ATXN10: variants seen among roughly 807,000 people sequenced by gnomAD.
ATXN10 encodes ataxin 10, also known as ataxin-10.
Under a neutral mutation model 52.9 loss-of-function variants are expected in ATXN10, and 28 were observed. That is an observed-to-expected ratio of 0.53 (90% CI 0.39 to 0.73). The LOEUF (loss-of-function observed/expected upper bound fraction) is 0.73. Ranked by LOEUF, ATXN10 falls within the 30% of genes least tolerant of loss-of-function variation. The probability of loss-of-function intolerance (pLI) is 0.00; values close to 1 mark genes in which losing one functional copy is unlikely to be tolerated. For synonymous variants in ATXN10, 226 were observed against 221.5 expected (o/e 1.02, Z -0.18); for missense variants, 565 against 577.0 (o/e 0.98, Z 0.21).
At position 45,816,693 on chromosome 22, in the gene ATXN10, G is replaced by A. The variant is rs934846691; in HGVS notation, c.1237+9671G>A. 6.6e-6 allele frequency among the ~76,000 whole-genome samples: 1 copy of A among 152,122 alleles called. No individual in the cohort carries two copies. Among genetic ancestry groups the A allele is most frequent in the Non-Finnish European group, 1.5e-5 (1 of 68,034 alleles). The stretch of plus-strand genomic sequence containing the variant: ...TATAGTATCTTAATAGGTAATATAC[G>A]GGAGAAGCCTTCTTTTAATAAAATG... On this transcript the variant is annotated intron_variant, in intron 10 of 11. Transcript: ENST00000252934. This position sits in a 1 kb window ranked among gnomAD's most constrained non-coding sequence, Gnocchi z 5.8.
chr22:45,674,842 T>C (rs1922619429), intron 1 of ATXN10: 1 of 152,230 alleles, frequency 6.6e-6, no homozygotes, highest in African/African-American at 2.4e-5. Context: ...AGACATAATG[T>C]AGTTGGTGGT....
intron 5 of ATXN10, among the ~76,000 whole-genome samples, chr22:45,707,260 C>T (rs1450073260): frequency 6.6e-6 from 1 of 152,174 alleles, no homozygotes; most frequent in African/African-American, 2.4e-5. Context: ...CTTGCATTCA[C>T]AGGTGAGGTA....
At position 45,748,221 on chromosome 22, in the gene ATXN10, A is replaced by G. The variant is rs201597952; in HGVS notation, c.1173+7683A>G. 3.2e-4 allele frequency among the ~76,000 whole-genome samples: 48 copies of G among 151,930 alleles called. 1 individual carries two copies. In the East Asian group the frequency reaches 7.9e-3, roughly 25 times the overall value. ...ATATAATGGATTGCCTTATGTCTCTAACTATAATACTTCCGTGTCCCTCCT... is the reference window on the plus strand; with the variant it reads ...ATATAATGGATTGCCTTATGTCTCTGACTATAATACTTCCGTGTCCCTCCT... On this transcript the variant is annotated intron_variant, in intron 9 of 11. Coordinates refer to ENST00000252934, the MANE Select transcript of ATXN10 (RefSeq NM_013236.4).
At chr22:45,764,021 C>T (rs1188781885) in intron 9 of ATXN10, among the ~76,000 whole-genome samples, 3 of 152,166 alleles carry the variant, frequency 2.0e-5, no homozygotes, top group Admixed American at 6.5e-5. Context: ...AGTTTCTCCC[C>T]GGCCTCTCCG....
chr22:45,756,493 G>A (rs569295242), intron 9 of ATXN10, among the ~76,000 whole-genome samples: 1 of 152,096 alleles, frequency 6.6e-6, no homozygotes, highest in Non-Finnish European at 1.5e-5. Flanking sequence ...TTGAAAGACT[G>A]ACATTTCCAA....
At position 45,819,632 on chromosome 22, in the gene ATXN10, G is replaced by A. The variant is rs1164419130; in HGVS notation, c.1237+12610G>A. Among the ~76,000 whole-genome samples, 2 of 152,220 alleles carry A rather than the reference G, an allele frequency of 1.3e-5. No individual in the cohort carries two copies. Among genetic ancestry groups the A allele is most frequent in the African/African-American group, 2.4e-5 (1 of 41,452 alleles). On this transcript the variant is annotated intron_variant, in intron 10 of 11. Transcript: ENST00000252934. This position sits in a 1 kb window ranked among gnomAD's most constrained non-coding sequence, Gnocchi z 4.5. The stretch of plus-strand genomic sequence containing the variant: ...TCAGGAAAGCTGCTGGATTGAGACT[G>A]GAGGGAAGTGTGACTGCCTGTGCAT...
At chr22:45,739,297 A>G (rs1925419579) in intron 8 of ATXN10, among the ~76,000 whole-genome samples, 1 of 152,364 alleles carries the variant, frequency 6.6e-6, no homozygotes. Flanking sequence ...GTTTTAAACA[A>G]GAAACCATTG....
In ATXN10 at chr22:45,757,598, T is replaced by C. The variant is rs1196887588; in HGVS notation, c.1173+17060T>C. ...GTTCTTAATCTTGAAAAATCATTTCTAGCCATTTTAGAAAAAAAAAAACAT... is the reference window on the plus strand; with the variant it reads ...GTTCTTAATCTTGAAAAATCATTTCCAGCCATTTTAGAAAAAAAAAAACAT... On this transcript the variant is annotated intron_variant, in intron 9 of 11. Transcript: ENST00000252934. The surrounding 1 kb of genome is among the most constrained non-coding windows in gnomAD (Gnocchi z 4.6). Among the ~76,000 whole-genome samples the C allele has an allele frequency of 2.7e-4, 40 of 150,498 alleles. No individual in the cohort carries two copies. The highest frequency in any genetic ancestry group is 2.6e-3 in the Admixed American group (40 of 15,100).
At position 45,757,513 on chromosome 22, in the gene ATXN10, T is replaced by C. The variant is rs535118608; in HGVS notation, c.1173+16975T>C. Reference sequence around the variant, plus strand: ...TCCAAAGGGAGGTGTGGATGTTTCATTCAGTACTTTGGAGGGAGAAAGAAA... The same window carrying C: ...TCCAAAGGGAGGTGTGGATGTTTCACTCAGTACTTTGGAGGGAGAAAGAAA... On this transcript the variant is annotated intron_variant, in intron 9 of 11. Coordinates refer to ENST00000252934, the MANE Select transcript of ATXN10 (RefSeq NM_013236.4). This position sits in a 1 kb window ranked among gnomAD's most constrained non-coding sequence, Gnocchi z 4.6. Among the ~76,000 whole-genome samples, 12 of 152,258 alleles carry C rather than the reference T, an allele frequency of 7.9e-5. No individual in the cohort carries two copies. The highest frequency in any genetic ancestry group is 2.9e-4 in the African/African-American group (12 of 41,564).
intron 4 of ATXN10, among the ~76,000 whole-genome samples, chr22:45,702,322 T>C (rs1365465915): frequency 1.3e-5 from 2 of 152,216 alleles, no homozygotes; most frequent in African/African-American, 4.8e-5. Context: ...CTAAGGACTA[T>C]TAAAGCAGTG....
At chr22:45,700,058 C>T (rs913026646) in intron 3 of ATXN10, among the ~76,000 whole-genome samples, 1 of 152,024 alleles carries the variant, frequency 6.6e-6, no homozygotes, top group Admixed American at 6.6e-5. Flanking sequence ...GTGATCCACC[C>T]GCCTTGGCCT....
intron 9 of ATXN10, among the ~76,000 whole-genome samples, chr22:45,803,639 C>G (rs1928001278): frequency 6.6e-6 from 1 of 152,152 alleles, no homozygotes; most frequent in South Asian, 2.1e-4. Context: ...CTGGATTTCT[C>G]CTTATCTTCA....
chr22:45,799,031 A>G (rs1425469514), intron 9 of ATXN10, among the ~76,000 whole-genome samples: 2 of 151,364 alleles, frequency 1.3e-5, no homozygotes, highest in East Asian at 1.9e-4. Flanking sequence ...GTTGACCTCT[A>G]TAGAGTGAAT....
intron 10 of ATXN10, among the ~76,000 whole-genome samples, chr22:45,810,978 CTG>C (rs560157192): frequency 2.4e-4 from 36 of 152,226 alleles, no homozygotes; most frequent in African/African-American, 7.2e-4. Context: ...AAAAGCATGT[CTG>C]TTTTCCAGTA....
intron 10 of ATXN10, among the ~76,000 whole-genome samples, chr22:45,836,177 G>A (rs78962327): frequency 0.014 from 2,075 of 152,206 alleles, 13 homozygotes; most frequent in Middle Eastern, 0.024. Flanking sequence ...CCATAAATTA[G>A]ACTTGTACTT....
In ATXN10 at chr22:45,754,491, C is replaced by T. The variant is rs1216476645; in HGVS notation, c.1173+13953C>T. 2.6e-5 allele frequency among the ~76,000 whole-genome samples: 4 copies of T among 152,144 alleles called. No homozygotes were observed. Among genetic ancestry groups the T allele is most frequent in the Non-Finnish European group, 5.9e-5 (4 of 68,028 alleles). ...TGTTTTATCTCATCCTCTTCAGAGC[C>T]TGTGCTTACTGTGTCATTCTGCCTC... On this transcript the variant is annotated intron_variant, in intron 9 of 11. Transcript: ENST00000252934. This position sits in a 1 kb window ranked among gnomAD's most constrained non-coding sequence, Gnocchi z 5.4.
rs1217760190 is a variant in ATXN10 at position 45,835,652 on chromosome 22, T to TA, written c.1238-7338dup. Among the ~76,000 whole-genome samples the TA allele has an allele frequency of 1.3e-5, 2 of 152,238 alleles. No homozygotes were observed. The highest frequency in any genetic ancestry group is 4.8e-5 in the African/African-American group (2 of 41,468). On this transcript the variant is annotated intron_variant, in intron 10 of 11. Transcript: ENST00000252934. The surrounding 1 kb of genome is among the most constrained non-coding windows in gnomAD (Gnocchi z 5.0). ...TATGGGGCCTATGTACCACTTCCCTTACGGCCTAGAAGCCGATTAGCAGCC... is the reference window on the plus strand; with the variant it reads ...TATGGGGCCTATGTACCACTTCCCTTAACGGCCTAGAAGCCGATTAGCAGCC...
intron 1 of ATXN10, among the ~76,000 whole-genome samples, chr22:45,686,385 G>T (rs1324415758): frequency 6.6e-5 from 10 of 152,156 alleles, no homozygotes. Context: ...AGTCTAGCCG[G>T]GGAGATAGGT....
In ATXN10 at chr22:45,750,259, A is replaced by G. The variant is rs919936137; in HGVS notation, c.1173+9721A>G. On this transcript the variant is annotated intron_variant, in intron 9 of 11. Transcript: ENST00000252934. The surrounding 1 kb of genome is among the most constrained non-coding windows in gnomAD (Gnocchi z 4.2). ...AGAGGTATGTCACCACACCTGGCAA[A>G]TTTTTGTATTTTTTTTTGTAGAGGT... 6.6e-6 allele frequency among the ~76,000 whole-genome samples: 1 copy of G among 151,552 alleles called. No individual in the cohort carries two copies. Among genetic ancestry groups the G allele is most frequent in the Non-Finnish European group, 1.5e-5 (1 of 67,886 alleles).
Sources: allele counts gnomAD v4.1 joint callset (sites outside exome capture counted in the v4.1 genomes callset), GRCh38; gene constraint gnomAD v4.1.1; non-coding constraint Gnocchi (gnomAD v3.1); transcripts MANE v1.5; gene names NCBI Gene and HGNC (gene_info 2026-07-23, HGNC 2026-07-21).